FRK: variants seen among roughly 807,000 people sequenced by gnomAD.
The protein encoded by FRK is fyn related Src family tyrosine kinase.
FRK carries 51 observed loss-of-function variants against 56.4 expected under a neutral mutation model. The ratio of observed to expected loss-of-function variants is 0.90; its 90% CI spans 0.72 to 1.14. FRK has a LOEUF of 1.14. Among genes scored for constraint, FRK ranks in the 50% most tolerant of loss-of-function variants. The pLI is 0.00. For missense variants in FRK, 570 were observed against 601.4 expected, an observed-to-expected ratio of 0.95 and a Z score of 0.55; for synonymous variants, 245 against 217.9, an observed-to-expected ratio of 1.12 and a Z score of -1.10.
At chr6:116,083,259 G>A in the FRK span, among the ~76,000 whole-genome samples, 5 of 152,174 alleles carry the variant, frequency 3.3e-5, no homozygotes, top group Non-Finnish European at 7.3e-5. Flanking sequence ...ACCTTCATGT[G>A]CTTAAGAGAG....
intron 1 of FRK, among the ~76,000 whole-genome samples, chr6:116,056,907 G>A (rs897641476): frequency 9.2e-5 from 14 of 152,180 alleles, no homozygotes; most frequent in African/African-American, 3.4e-4. Context: ...AAGGTGAAAA[G>A]CATTTCTAAG....
chr6:115,966,872 C>CCTAATTTAT (rs1169650884), intron 4 of FRK, among the ~76,000 whole-genome samples: 1 of 152,116 alleles, frequency 6.6e-6, no homozygotes, highest in East Asian at 1.9e-4. Context: ...CCACTAATGA[C>CCTAATTTAT]CTAATTTATC....
At chr6:116,098,632 C>T in the FRK span, among the ~76,000 whole-genome samples, 4 of 152,226 alleles carry the variant, frequency 2.6e-5, 1 homozygote, top group East Asian at 7.7e-4. Context: ...AAATTCAGTC[C>T]ATGATACTCA....
intron 2 of FRK, among the ~76,000 whole-genome samples, chr6:115,975,101 T>C (rs1304260288): frequency 6.6e-6 from 1 of 152,136 alleles, no homozygotes; most frequent in Non-Finnish European, 1.5e-5. Flanking sequence ...GGCAATACTT[T>C]CGGGACTTAC....
chr6:115,953,483 C>T (rs916547638), intron 5 of FRK, among the ~76,000 whole-genome samples: 1 of 152,160 alleles, frequency 6.6e-6, no homozygotes, highest in Non-Finnish European at 1.5e-5. Context: ...GCCACCGCGC[C>T]CGGCCCAAGG....
intron 2 of FRK, among the ~76,000 whole-genome samples, chr6:115,970,172 A>G (rs1328358795): frequency 6.6e-6 from 1 of 152,162 alleles, no homozygotes; most frequent in Non-Finnish European, 1.5e-5. Context: ...ACACACCAGA[A>G]AAGCTAAAAT....
At chr6:115,945,426 C>T (rs1397047774) in intron 5 of FRK, among the ~76,000 whole-genome samples, 2 of 152,012 alleles carry the variant, frequency 1.3e-5, no homozygotes, top group African/African-American at 4.8e-5. Flanking sequence ...GAGATGGTAT[C>T]TCATTGTGGT....
intron 1 of FRK, among the ~76,000 whole-genome samples, chr6:116,050,411 T>C (rs1199559319): frequency 6.6e-6 from 1 of 152,230 alleles, no homozygotes; most frequent in Non-Finnish European, 1.5e-5. Context: ...TAAGATTTAT[T>C]AAATACCTAA....
At chr6:116,099,139 G>A in the FRK span, among the ~76,000 whole-genome samples, 3 of 152,148 alleles carry the variant, frequency 2.0e-5, no homozygotes, top group Non-Finnish European at 4.4e-5. Context: ...TTCTCTTTAA[G>A]AGTGCCCTGG....
At chr6:116,011,898 A>G (rs954634904) in intron 1 of FRK, among the ~76,000 whole-genome samples, 3 of 151,842 alleles carry the variant, frequency 2.0e-5, no homozygotes, top group Non-Finnish European at 4.4e-5. Flanking sequence ...TTTCCACAAA[A>G]CCTTCTTCGG....
At chr6:115,953,887 C>T (rs990197934) in intron 5 of FRK, among the ~76,000 whole-genome samples, 3 of 152,128 alleles carry the variant, frequency 2.0e-5, no homozygotes, top group African/African-American at 4.8e-5. Context: ...ACAAAGAAAA[C>T]ACTATCTGCC....
upstream of FRK, among the ~76,000 whole-genome samples, chr6:116,063,347 A>G (rs1562313255): frequency 6.6e-6 from 1 of 152,226 alleles, no homozygotes; most frequent in Non-Finnish European, 1.5e-5. Context: ...AAAATATGGT[A>G]TATATACACA....
chr6:116,042,957 C>A (rs1473106585), intron 1 of FRK, among the ~76,000 whole-genome samples: 1 of 151,376 alleles, frequency 6.6e-6, no homozygotes, highest in Non-Finnish European at 1.5e-5. Context: ...ATAAGACAGA[C>A]TTTAAACCAA....
chr6:116,032,587 A>G (rs180688456), intron 1 of FRK, among the ~76,000 whole-genome samples: 3 of 152,200 alleles, frequency 2.0e-5, no homozygotes, highest in African/African-American at 4.8e-5. Flanking sequence ...CATTGTTATT[A>G]CAATCCATGT....
chr6:115,940,710 C>T lies in FRK; in HGVS notation c.*1704G>A, dbSNP rs1266821263. On this transcript the variant is annotated 3_prime_UTR_variant, in exon 8 of 8. Transcript: ENST00000606080. ...ATTTCAAAAGAAGATATTTATGCAGCCAACAGACATATGAAAAAAAGCTCA... is the reference window on the plus strand; with the variant it reads ...ATTTCAAAAGAAGATATTTATGCAGTCAACAGACATATGAAAAAAAGCTCA... 6.6e-6 allele frequency: 1 copy of T among 152,114 alleles called. No individual in the cohort carries two copies. The highest frequency in any genetic ancestry group is 2.4e-5 in the African/African-American group (1 of 41,416). The allele number at this position is 152,114 out of a possible 1,614,324, so 9.4% of individuals were successfully genotyped here. A position where few individuals can be genotyped will look rare whatever the true frequency, so the allele number is the denominator to read the frequency against.
chr6:116,061,648 G>A (rs4415182), upstream of FRK, among the ~76,000 whole-genome samples: 29,704 of 152,128 alleles, frequency 0.2, 3,818 homozygotes, highest in Middle Eastern at 0.35. Flanking sequence ...TCCCTAGTTC[G>A]GAGCAGCTGT....
At chr6:116,097,112 A>G in the FRK span, among the ~76,000 whole-genome samples, 1 of 151,460 alleles carries the variant, frequency 6.6e-6, no homozygotes, top group South Asian at 2.1e-4. Flanking sequence ...TTTTATTAAG[A>G]AATGTAAAGA....
the FRK span, among the ~76,000 whole-genome samples, chr6:116,081,863 C>T: frequency 3.1e-4 from 47 of 151,968 alleles, 1 homozygote; most frequent in East Asian, 9.1e-3. Flanking sequence ...TAGGCACACA[C>T]CAAAAAGAAA....
chr6:115,959,965 A>T (rs551543973), intron 4 of FRK, among the ~76,000 whole-genome samples: 1 of 95,524 alleles, frequency 1.0e-5, no homozygotes, highest in East Asian at 2.0e-4. Flanking sequence ...AAGTGAAAAT[A>T]AAAAAAAAAA....
Sources: gnomAD v4.1 joint callset for allele counts (sites outside exome capture counted in the v4.1 genomes callset) on GRCh38, gnomAD v4.1.1 for gene constraint, MANE v1.5 for transcripts, NCBI Gene and HGNC (gene_info 2026-07-23, HGNC 2026-07-21) for gene names.